Variants in ARFGEF1 observed in about 807,000 individuals in gnomAD.
ARFGEF1 encodes brefeldin A-inhibited guanine nucleotide-exchange protein 1.
ARFGEF1 carries 42 observed loss-of-function variants against 231.0 expected under a neutral mutation model. The ratio of observed to expected loss-of-function variants is 0.18; its 90% confidence interval spans 0.14 to 0.24. ARFGEF1 has a LOEUF of 0.24. Ranked by LOEUF, ARFGEF1 falls within the 10% of genes least tolerant of loss-of-function variation. The pLI, the probability that ARFGEF1 is intolerant of heterozygous loss-of-function variation, is 1.00. For missense variants in ARFGEF1, 1,345 were observed against 2,192.0 expected (o/e 0.61, Z 7.72); for synonymous variants, 710 against 732.3 (o/e 0.97, Z 0.49).
At chr8:67,242,902 G>C (rs1264826541) in intron 19 of ARFGEF1, among the ~76,000 whole-genome samples, 1 of 152,174 alleles carries the variant, frequency 6.6e-6, no homozygotes. Context: ...GGCCTGTGGT[G>C]GTGATGGCCA....
intron 7 of ARFGEF1, among the ~76,000 whole-genome samples, chr8:67,281,926 C>G (rs1805552537): frequency 6.6e-6 from 1 of 152,040 alleles, no homozygotes; most frequent in Non-Finnish European, 1.5e-5. Context: ...AAAGACTTGA[C>G]TAAATGAACT....
rs572301020 is a variant in ARFGEF1 at position 67,286,590 on chromosome 8, T to C, written c.1027+1365A>G. 4.6e-5 allele frequency among the ~76,000 whole-genome samples: 7 copies of C among 152,318 alleles called. No homozygotes were observed. In the South Asian group the frequency reaches 1.4e-3, roughly 32 times the overall value. ...TTTACATACAAAAATAGGTAGCGGG[T>C]TGAATCTGGCCCACAGGCCGTAATG... On this transcript the variant is annotated intron_variant, in intron 7 of 38. Coordinates refer to ENST00000262215, the MANE Select transcript of ARFGEF1 (RefSeq NM_006421.5).
At chr8:67,248,391 G>A (rs1217622232) in intron 19 of ARFGEF1, among the ~76,000 whole-genome samples, 7 of 150,144 alleles carry the variant, frequency 4.7e-5, no homozygotes, top group Admixed American at 1.3e-4. Context: ...TTGGGAGAAA[G>A]GACAGTCTCT....
At chr8:67,180,022 G>GT (rs1448168918) in intron 5 of ARFGEF1, 2 of 531,108 alleles carry the variant, frequency 3.8e-6, no homozygotes, top group African/African-American at 4.1e-5. Flanking sequence ...GTACAAGGTA[G>GT]TAAAAAAAAA....
chr8:67,246,518 T>C (rs1840111898), intron 19 of ARFGEF1, among the ~76,000 whole-genome samples: 2 of 150,336 alleles, frequency 1.3e-5, no homozygotes, highest in Admixed American at 1.3e-4. Flanking sequence ...AGTGGGTCAA[T>C]GAAGAAATTA....
chr8:67,194,307 C>T (rs1221415921), downstream of ARFGEF1, among the ~76,000 whole-genome samples: 1 of 152,162 alleles, frequency 6.6e-6, no homozygotes, highest in Non-Finnish European at 1.5e-5. Context: ...ATCTACATTA[C>T]AATAATCTGT....
At chr8:67,258,575 G>A (rs1005275885) in intron 15 of ARFGEF1, among the ~76,000 whole-genome samples, 11 of 152,046 alleles carry the variant, frequency 7.2e-5, no homozygotes, top group African/African-American at 2.4e-4. Context: ...ACCCGCCTCA[G>A]CCTCCCAAAG....
intron 5 of ARFGEF1, among the ~76,000 whole-genome samples, chr8:67,295,562 A>C (rs1806196384): frequency 6.6e-6 from 1 of 152,224 alleles, no homozygotes; most frequent in Non-Finnish European, 1.5e-5. Context: ...ATAAATTATT[A>C]GTATCCTTTT....
At chr8:67,251,865 AG>A in intron 18 of ARFGEF1, among the ~76,000 whole-genome samples, 1 of 152,354 alleles carries the variant, frequency 6.6e-6, no homozygotes, top group East Asian at 1.9e-4. Context: ...ACTGGGAGTC[AG>A]GAAGTGGAAA....
At chr8:67,184,739 A>T (rs912769657) in intron 5 of ARFGEF1, among the ~76,000 whole-genome samples, 25 of 139,166 alleles carry the variant, frequency 1.8e-4, no homozygotes, top group Non-Finnish European at 4.5e-5. Context: ...ATAATAATAA[A>T]AAAATATAAT....
chr8:67,326,821 C>T (rs1450777527), intron 1 of ARFGEF1, among the ~76,000 whole-genome samples: 3 of 152,124 alleles, frequency 2.0e-5, no homozygotes, highest in Non-Finnish European at 4.4e-5. Context: ...TTCCAAGAAC[C>T]TATATCAATG....
rs138669784 is a variant in ARFGEF1 at position 67,282,516 on chromosome 8, T to A, written c.1028-5059A>T. On this transcript the variant is annotated intron_variant, in intron 7 of 38. Coordinates refer to ENST00000262215, the MANE Select transcript of ARFGEF1 (RefSeq NM_006421.5). ...ACAGAAACCACAAATAAAAAGATAA[T>A]CTTAAAAATTTTTTTTGTGGTCAAG... Among the ~76,000 whole-genome samples, 491 of 152,154 alleles carry A rather than the reference T, an allele frequency of 3.2e-3. 6 individuals are homozygous for A. Among genetic ancestry groups the A allele is most frequent in the African/African-American group, 0.01 (433 of 41,520 alleles).
intron 18 of ARFGEF1, among the ~76,000 whole-genome samples, chr8:67,252,729 T>A (rs1216238016): frequency 6.6e-6 from 1 of 152,146 alleles, no homozygotes; most frequent in Non-Finnish European, 1.5e-5. Flanking sequence ...GGGGCTGGGT[T>A]CACAGTTGCC....
intron 14 of ARFGEF1, among the ~76,000 whole-genome samples, chr8:67,261,067 A>G (rs910395306): frequency 2.6e-5 from 4 of 152,242 alleles, no homozygotes; most frequent in African/African-American, 7.2e-5. Context: ...AGGTTGGATC[A>G]TGAGATTTAA....
At position 67,198,928 on chromosome 8, in the gene ARFGEF1, T is replaced by C. The variant is rs774137958; in HGVS notation, c.*6A>G. The C allele has an allele frequency of 6.2e-7, 1 of 1,612,454 alleles. No individual in the cohort carries two copies. The highest frequency in any genetic ancestry group is 8.5e-7 in the Non-Finnish European group (1 of 1,179,472). Reference sequence around the variant, plus strand: ...TGTAAATGCCAACAAAAATATTAAGTTCCCATCATTGCTTGTTTATTCCAA... The same window carrying C: ...TGTAAATGCCAACAAAAATATTAAGCTCCCATCATTGCTTGTTTATTCCAA... On this transcript the variant is annotated 3_prime_UTR_variant, in exon 39 of 39. Transcript: ENST00000262215.
chr8:67,335,675 T>G (rs80313179), intron 1 of ARFGEF1, among the ~76,000 whole-genome samples: 2,466 of 152,292 alleles, frequency 0.016, 68 homozygotes, highest in African/African-American at 0.057. Flanking sequence ...CACATTTTTG[T>G]TAAGAAAAAT....
intron 1 of ARFGEF1, among the ~76,000 whole-genome samples, chr8:67,305,306 T>C (rs1474833370): frequency 6.6e-6 from 1 of 152,138 alleles, no homozygotes; most frequent in Admixed American, 6.5e-5. Flanking sequence ...TGCAATCAAC[T>C]TGATAGGGAA....
chr8:67,315,963 A>T (rs1010479724), intron 1 of ARFGEF1, among the ~76,000 whole-genome samples: 1 of 152,148 alleles, frequency 6.6e-6, no homozygotes, highest in African/African-American at 2.4e-5. Context: ...AAAAAAAGGA[A>T]AAATAATAAA....
At chr8:67,302,567 G>GT in intron 1 of ARFGEF1, 101 bp from the exon 2 acceptor site, 1 of 810,258 alleles carries the variant, frequency 1.2e-6, no homozygotes, top group Non-Finnish European at 1.9e-6. Context: ...TCTACAAAAA[G>GT]TTGGAAAGAA....
Sources: allele counts gnomAD v4.1 joint callset (sites outside exome capture counted in the v4.1 genomes callset), GRCh38; gene constraint gnomAD v4.1.1; transcripts MANE v1.5; gene names NCBI Gene and HGNC (gene_info 2026-07-23, HGNC 2026-07-21).